TYW1B: variants seen among roughly 807,000 people sequenced by gnomAD.
The protein encoded by TYW1B is tRNA-yW synthesizing protein 1 homolog B, also known as S-adenosyl-L-methionine-dependent tRNA 4-demethylwyosine synthase TYW1B.
A neutral mutation model predicts 86.9 loss-of-function variants in TYW1B; 73 were observed. The observed-to-expected ratio is 0.84, with a 90% confidence interval of 0.70 to 1.02. The LOEUF (loss-of-function observed/expected upper bound fraction) is 1.02. Among genes scored for constraint, TYW1B ranks in the 50% least tolerant of loss-of-function variants. The pLI, the probability that TYW1B is intolerant of heterozygous loss-of-function variation, is 0.00. For synonymous variants in TYW1B, 248 were observed against 292.8 expected (o/e 0.85, Z 1.56); for missense variants, 637 against 827.4 (o/e 0.77, Z 2.82).
intron 13 of TYW1B, among the ~76,000 whole-genome samples, chr7:72,615,584 T>A (rs1269811229): frequency 3.9e-5 from 6 of 152,086 alleles, no homozygotes; most frequent in East Asian, 1.9e-4. Context: ...GCAACATGAA[T>A]GAGAACCTGC....
intron 7 of TYW1B, among the ~76,000 whole-genome samples, chr7:72,752,042 C>T (rs1787509679): frequency 6.6e-6 from 1 of 152,212 alleles, no homozygotes; most frequent in Non-Finnish European, 1.5e-5. Flanking sequence ...CTCTGGCAGC[C>T]CCAGTATCTC....
At chr7:72,811,442 A>C (rs1281951980) in intron 3 of TYW1B, among the ~76,000 whole-genome samples, 1 of 152,016 alleles carries the variant, frequency 6.6e-6, no homozygotes, top group Non-Finnish European at 1.5e-5. Flanking sequence ...CTTAGAGTGG[A>C]AGCTGCTCTG....
chr7:72,685,773 C>G (rs1357173910), intron 11 of TYW1B, among the ~76,000 whole-genome samples: 7 of 152,160 alleles, frequency 4.6e-5, no homozygotes, highest in Non-Finnish European at 8.8e-5. Flanking sequence ...GATAGCAAAC[C>G]AAAGGCATGA....
intron 10 of TYW1B, among the ~76,000 whole-genome samples, chr7:72,699,199 G>C (rs28532595): frequency 0.014 from 2,087 of 152,258 alleles, 37 homozygotes; most frequent in African/African-American, 0.047. Context: ...AGTTCATCAG[G>C]AAGAGAATGA....
intron 7 of TYW1B, among the ~76,000 whole-genome samples, chr7:72,749,904 TTTTTTTTG>T (rs1787468533): frequency 1.2e-5 from 1 of 86,532 alleles, no homozygotes; most frequent in African/African-American, 3.9e-5. Context: ...TCTATGTTGG[TTTTTTTTG>T]TTTTTTTTTT....
chr7:72,723,353 C>A (rs181425109), intron 9 of TYW1B, among the ~76,000 whole-genome samples: 1 of 152,128 alleles, frequency 6.6e-6, no homozygotes, highest in Non-Finnish European at 1.5e-5. Context: ...TCACAAACTA[C>A]GAAGGAAATG....
intron 11 of TYW1B, among the ~76,000 whole-genome samples, chr7:72,639,495 G>T (rs1325342142): frequency 2.0e-5 from 3 of 152,206 alleles, no homozygotes; most frequent in African/African-American, 4.8e-5. Context: ...TCCTTCAGCT[G>T]GAAGAAGAGA....
chr7:72,817,260 C>A (rs1181388918), intron 2 of TYW1B, among the ~76,000 whole-genome samples: 1 of 151,926 alleles, frequency 6.6e-6, no homozygotes, highest in Non-Finnish European at 1.5e-5. Flanking sequence ...AAAAATTAGC[C>A]GGGAGTGGTG....
At chr7:72,599,306 T>C (rs1331938027) in intron 13 of TYW1B, among the ~76,000 whole-genome samples, 2 of 152,254 alleles carry the variant, frequency 1.3e-5, no homozygotes, top group African/African-American at 2.4e-5. Flanking sequence ...TTATCAATAG[T>C]TGAAGAAAAT....
intron 9 of TYW1B, among the ~76,000 whole-genome samples, chr7:72,714,164 A>G (rs1166170422): frequency 6.6e-6 from 1 of 152,136 alleles, no homozygotes; most frequent in Non-Finnish European, 1.5e-5. Context: ...TTCTAGACCA[A>G]TCATTCCTCA....
chr7:72,586,274 T>C (rs1554430488), intron 13 of TYW1B, among the ~76,000 whole-genome samples: 1 of 152,148 alleles, frequency 6.6e-6, no homozygotes, highest in Admixed American at 6.5e-5. Flanking sequence ...CTGCCAACCT[T>C]GGAAATGCAC....
chr7:72,577,420 A>G (rs1811047985), intron 13 of TYW1B, among the ~76,000 whole-genome samples: 1 of 152,164 alleles, frequency 6.6e-6, no homozygotes, highest in Non-Finnish European at 1.5e-5. Flanking sequence ...CTACAACCCA[A>G]GATGTAAAAT....
chr7:72,584,767 T>C (rs1295034311), intron 13 of TYW1B, among the ~76,000 whole-genome samples: 4 of 152,120 alleles, frequency 2.6e-5, no homozygotes, highest in Non-Finnish European at 5.9e-5. Context: ...ATATTCCAAA[T>C]TCTTAAGGTA....
intron 13 of TYW1B, among the ~76,000 whole-genome samples, chr7:72,591,895 C>A (rs1421372306): frequency 1.3e-5 from 2 of 151,990 alleles, no homozygotes; most frequent in East Asian, 1.9e-4. Flanking sequence ...GTGATCTCAG[C>A]TCACTGCAAC....
intron 10 of TYW1B, among the ~76,000 whole-genome samples, chr7:72,702,988 A>ATC (rs1451595951): frequency 0.016 from 199 of 12,358 alleles, 1 homozygote; most frequent in African/African-American, 0.036. Context: ...CTATCTATCT[A>ATC]TATATATATA....
chr7:72,657,631 G>C (rs575561686), intron 11 of TYW1B, among the ~76,000 whole-genome samples: 1 of 152,156 alleles, frequency 6.6e-6, no homozygotes. Context: ...ATTAGACTAA[G>C]AGCAAATTTC....
intron 13 of TYW1B, among the ~76,000 whole-genome samples, chr7:72,582,665 C>T (rs1811183295): frequency 6.6e-6 from 1 of 152,134 alleles, no homozygotes; most frequent in Non-Finnish European, 1.5e-5. Context: ...CAGCTGTGAA[C>T]TAGGTGGTAG....
intron 11 of TYW1B, among the ~76,000 whole-genome samples, chr7:72,669,970 A>C (rs1813556734): frequency 9.6e-6 from 1 of 104,130 alleles, no homozygotes; most frequent in African/African-American, 2.8e-5. Context: ...TAAATAAATA[A>C]ATAAATAAAG....
intron 7 of TYW1B, among the ~76,000 whole-genome samples, chr7:72,766,507 C>T (rs1203524623): frequency 2.8e-5 from 4 of 144,682 alleles, no homozygotes; most frequent in Non-Finnish European, 4.5e-5. Context: ...CCAGCTACTC[C>T]GGAGGCTTAG....
Sources: allele counts gnomAD v4.1 joint callset (sites outside exome capture counted in the v4.1 genomes callset), GRCh38; gene constraint gnomAD v4.1.1; transcripts MANE v1.5; gene names NCBI Gene and HGNC (gene_info 2026-07-23, HGNC 2026-07-21).